TANGO6: variants seen among roughly 807,000 people sequenced by gnomAD.
TANGO6 encodes transport and golgi organization 6 homolog, also known as transport and Golgi organization protein 6 homolog.
A neutral mutation model predicts 114.2 loss-of-function variants in TANGO6; 90 were observed. The ratio of observed to expected loss-of-function variants is 0.79; its 90% CI spans 0.66 to 0.94. The LOEUF (loss-of-function observed/expected upper bound fraction) is 0.94, where lower values mean the gene tolerates loss of function less well. TANGO6 is among the 40% of genes least tolerant of loss of function. The pLI is 0.00. For synonymous variants in TANGO6, 477 were observed against 509.8 expected (o/e 0.94, Z 0.87); for missense variants, 1,274 against 1,315.3 (o/e 0.97, Z 0.49).
chr16:68,942,300 C>T lies in TANGO6; in HGVS notation c.2701+12005C>T, dbSNP rs558761118. Reference sequence around the variant, plus strand: ...TCATGCCACTGCACTCCAGCCTGGGCGACAAGAGCAAAACTCCATCTCAAA... The same window carrying T: ...TCATGCCACTGCACTCCAGCCTGGGTGACAAGAGCAAAACTCCATCTCAAA... On this transcript the variant is annotated intron_variant, in intron 14 of 17. Coordinates refer to ENST00000261778, the MANE Select transcript of TANGO6 (RefSeq NM_024562.2). Among the ~76,000 whole-genome samples, 39 of 150,190 alleles carry T rather than the reference C, an allele frequency of 2.6e-4. No homozygotes were observed. The South Asian group carries it at 6.1e-3, about 23-fold the overall frequency.
chr16:69,046,485 A>G (rs1959861253), intron 17 of TANGO6, among the ~76,000 whole-genome samples: 1 of 151,926 alleles, frequency 6.6e-6, no homozygotes. Context: ...CACGTGGCTA[A>G]TTTTGTATTT....
At chr16:68,855,338 T>G (rs141498813) in intron 1 of TANGO6, among the ~76,000 whole-genome samples, 1 of 152,122 alleles carries the variant, frequency 6.6e-6, no homozygotes, top group Non-Finnish European at 1.5e-5. Context: ...TGCCAGCACT[T>G]TGGGAGGCCA....
chr16:68,980,409 C>CTCTATA (rs1408626276), intron 15 of TANGO6, among the ~76,000 whole-genome samples: 18 of 67,988 alleles, frequency 2.6e-4, no homozygotes, highest in Admixed American at 8.9e-4. Context: ...CTCTCTCTCT[C>CTCTATA]TATATATATA....
intron 16 of TANGO6, among the ~76,000 whole-genome samples, chr16:69,027,942 G>T (rs1031209628): frequency 6.6e-6 from 1 of 151,804 alleles, no homozygotes; most frequent in Non-Finnish European, 1.5e-5. Flanking sequence ...CACCACACCC[G>T]ACTAATATTT....
intron 17 of TANGO6, among the ~76,000 whole-genome samples, chr16:69,059,679 C>A (rs1960086417): frequency 6.6e-6 from 1 of 151,970 alleles, no homozygotes; most frequent in Non-Finnish European, 1.5e-5. Flanking sequence ...AACCACCACA[C>A]CCAGCTAATT....
At chr16:68,992,668 T>A (rs1963955317) in intron 15 of TANGO6, among the ~76,000 whole-genome samples, 1 of 152,184 alleles carries the variant, frequency 6.6e-6, no homozygotes, top group Admixed American at 6.5e-5. Flanking sequence ...GTGACAGCCG[T>A]TCCTTGTTTG....
intron 17 of TANGO6, among the ~76,000 whole-genome samples, chr16:69,072,026 C>CGTGTGT (rs58310609): frequency 0.043 from 3,961 of 92,900 alleles, 215 homozygotes; most frequent in African/African-American, 0.064. Flanking sequence ...AGAGGGAGAC[C>CGTGTGT]GTGTGTGTGT....
rs1351456782 is a variant in TANGO6, at chr16:69,084,032, A to G, written c.*371A>G. The G allele has an allele frequency of 5.9e-6, 1 of 168,104 alleles. No homozygotes were observed. The highest frequency in any genetic ancestry group is 2.4e-5 in the African/African-American group (1 of 41,970). The allele number at this position is 168,104 out of a possible 1,614,324, so 10.4% of individuals were successfully genotyped here. A position where few individuals can be genotyped will look rare whatever the true frequency, so the allele number is the denominator to read the frequency against. On this transcript the variant is annotated 3_prime_UTR_variant, in exon 18 of 18. Coordinates refer to ENST00000261778, the MANE Select transcript of TANGO6 (RefSeq NM_024562.2). ...CTTGAGGAGAAGCGGTTGGCCACCC[A>G]TATGTCACCTAGCTCTATATTCTTT... is the stretch of plus-strand genomic sequence containing the variant.
intron 14 of TANGO6, among the ~76,000 whole-genome samples, chr16:68,949,520 C>T (rs1164289454): frequency 6.6e-6 from 1 of 151,776 alleles, no homozygotes; most frequent in Non-Finnish European, 1.5e-5. Context: ...ACTTGGGAGG[C>T]TGAGGCAGGA....
chr16:68,869,230 TC>T (rs1380869351), intron 4 of TANGO6, among the ~76,000 whole-genome samples: 4 of 152,222 alleles, frequency 2.6e-5, no homozygotes, highest in African/African-American at 9.6e-5. Flanking sequence ...ATGCCTATAA[TC>T]CCAACACTTT....
At chr16:68,861,856 A>G (rs1272691689) in intron 2 of TANGO6, among the ~76,000 whole-genome samples, 1 of 152,088 alleles carries the variant, frequency 6.6e-6, no homozygotes, top group Non-Finnish European at 1.5e-5. Context: ...CTGTACTGTT[A>G]TGGCTCAAGG....
intron 14 of TANGO6, among the ~76,000 whole-genome samples, chr16:68,960,072 C>A (rs1452087412): frequency 6.6e-6 from 1 of 152,196 alleles, no homozygotes; most frequent in Non-Finnish European, 1.5e-5. Context: ...TTACTGGTAA[C>A]TGTTTCTTTT....
chr16:69,021,441 T>C (rs1959403281), intron 15 of TANGO6, among the ~76,000 whole-genome samples: 1 of 152,218 alleles, frequency 6.6e-6, no homozygotes, highest in Non-Finnish European at 1.5e-5. Flanking sequence ...CCATTCCCAT[T>C]ATTCCTTATT....
chr16:68,851,626 A>G (rs1414597941), intron 1 of TANGO6, among the ~76,000 whole-genome samples: 1 of 152,214 alleles, frequency 6.6e-6, no homozygotes. Flanking sequence ...TGCAATGAAT[A>G]GTCTTGTAAA....
At chr16:69,020,223 T>C (rs1016150589) in intron 15 of TANGO6, among the ~76,000 whole-genome samples, 9 of 152,168 alleles carry the variant, frequency 5.9e-5, no homozygotes, top group South Asian at 2.1e-4. Flanking sequence ...CTTGATCAGG[T>C]TTCTAAATGT....
At chr16:68,870,627 A>C (rs57425280) in intron 4 of TANGO6, among the ~76,000 whole-genome samples, 7,424 of 152,110 alleles carry the variant, frequency 0.049, 265 homozygotes, top group African/African-American at 0.096. Context: ...GTTGTTATCT[A>C]TTCATACCTT....
At chr16:69,070,687 G>T (rs893663000) in intron 17 of TANGO6, among the ~76,000 whole-genome samples, 1 of 148,890 alleles carries the variant, frequency 6.7e-6, no homozygotes, top group Non-Finnish European at 1.5e-5. Context: ...GATGTGCTCT[G>T]CTACAAGGGT....
Position 68,978,922 on chromosome 16 carries a change from A to G in TANGO6, c.2842+4754A>G, listed in dbSNP as rs528819266. Among the ~76,000 whole-genome samples the G allele has an allele frequency of 3.7e-5, 5 of 135,132 alleles. No individual in the cohort carries two copies. In the South Asian group the frequency reaches 1.3e-3, roughly 34 times the overall value. The allele number at this position is 135,132 out of a possible 152,430, so 88.7% of individuals were successfully genotyped here. On this transcript the variant is annotated intron_variant, in intron 15 of 17. Coordinates refer to ENST00000261778, the MANE Select transcript of TANGO6 (RefSeq NM_024562.2). ...ATATACAGTAAAGTATATAAAGTATATGATTTTTTTTTTTTTTTTTGAGAC... is the reference window on the plus strand; with the variant it reads ...ATATACAGTAAAGTATATAAAGTATGTGATTTTTTTTTTTTTTTTTGAGAC...
intron 17 of TANGO6, among the ~76,000 whole-genome samples, chr16:69,054,931 A>G (rs1490055294): frequency 2.4e-5 from 3 of 122,704 alleles, no homozygotes; most frequent in Non-Finnish European, 4.9e-5. Flanking sequence ...ACACAGCGAG[A>G]CTCCGTCTCA....
Sources: gnomAD v4.1 joint callset for allele counts (sites outside exome capture counted in the v4.1 genomes callset) on GRCh38, gnomAD v4.1.1 for gene constraint, MANE v1.5 for transcripts, NCBI Gene and HGNC (gene_info 2026-07-23, HGNC 2026-07-21) for gene names.